SUPT3H: variants seen among roughly 807,000 people sequenced by gnomAD.
The protein encoded by SUPT3H is transcription initiation protein SPT3 homolog.
SUPT3H carries 44 observed loss-of-function variants against 44.3 expected under a neutral mutation model. The observed-to-expected ratio is 0.99, with a 90% confidence interval of 0.78 to 1.28. The LOEUF is 1.28. Among genes scored for constraint, SUPT3H ranks in the 50% most tolerant of loss-of-function variants. The pLI is 0.00. For synonymous variants in SUPT3H, 124 were observed against 125.6 expected (o/e 0.99, Z 0.09); for missense variants, 380 against 387.1 (o/e 0.98, Z 0.15).
chr6:44,907,928 T>C (rs1021866380), intron 10 of SUPT3H, among the ~76,000 whole-genome samples: 6 of 152,120 alleles, frequency 3.9e-5, no homozygotes, highest in African/African-American at 1.4e-4. Context: ...TTTCTGAAGA[T>C]AAGTTTTGAT....
chr6:45,159,483 T>C (rs1427123505), intron 2 of SUPT3H: 1 of 152,172 alleles, frequency 6.6e-6, no homozygotes, highest in East Asian at 1.9e-4. Context: ...TCCTTGGATC[T>C]AGAGCCATCA....
At position 45,026,651 on chromosome 6, in the gene SUPT3H, A is replaced by T. The variant is rs1382564764; in HGVS notation, c.187-6019T>A. Among the ~76,000 whole-genome samples, 3 of 152,188 alleles carry T rather than the reference A, an allele frequency of 2.0e-5. No homozygotes were observed. In the East Asian group the frequency reaches 5.8e-4, roughly 29 times the overall value. On this transcript the variant is annotated intron_variant, in intron 3 of 10. Transcript: ENST00000371459. ...TGTAATTCTGCTTCCAGTGGCAATC[A>T]CCTTTAACTTTTTAAGCTTGTTTCT...
At chr6:45,242,716 C>T (rs1487334924) in intron 2 of SUPT3H, among the ~76,000 whole-genome samples, 7 of 152,050 alleles carry the variant, frequency 4.6e-5, no homozygotes, top group Admixed American at 1.3e-4. Flanking sequence ...CAAAATTCAC[C>T]ATTCTTGAAG....
intron 1 of SUPT3H, among the ~76,000 whole-genome samples, chr6:45,369,701 C>T (rs1795727970): frequency 6.6e-6 from 1 of 152,098 alleles, no homozygotes; most frequent in Admixed American, 6.6e-5. Flanking sequence ...CTACTACAGG[C>T]CAAACACCGT....
chr6:44,937,530 A>G (rs1771658698), intron 9 of SUPT3H, among the ~76,000 whole-genome samples: 2 of 151,860 alleles, frequency 1.3e-5, no homozygotes, highest in African/African-American at 2.4e-5. Flanking sequence ...TAGAAGTTGT[A>G]CTAATTTACA....
chr6:44,882,147 TA>T (rs766556537), intron 10 of SUPT3H, among the ~76,000 whole-genome samples: 1 of 151,948 alleles, frequency 6.6e-6, no homozygotes, highest in Non-Finnish European at 1.5e-5. Flanking sequence ...GCAAGACTAA[TA>T]AAGAATAAAA....
At chr6:45,272,938 T>C (rs935887767) in intron 2 of SUPT3H, among the ~76,000 whole-genome samples, 3 of 152,232 alleles carry the variant, frequency 2.0e-5, no homozygotes, top group Non-Finnish European at 4.4e-5. Context: ...TTGGTAGCCA[T>C]GGTTTTTATT....
intron 2 of SUPT3H, among the ~76,000 whole-genome samples, chr6:45,188,321 G>C (rs1006057655): frequency 2.0e-5 from 3 of 152,178 alleles, no homozygotes; most frequent in Non-Finnish European, 4.4e-5. Flanking sequence ...TAGTAAGAAC[G>C]AATCTTCTAT....
At chr6:45,288,204 C>T (rs1424725457) in intron 2 of SUPT3H, among the ~76,000 whole-genome samples, 1 of 152,014 alleles carries the variant, frequency 6.6e-6, no homozygotes, top group Non-Finnish European at 1.5e-5. Context: ...CAAATCCATT[C>T]CACCTCAACC....
chr6:45,094,582 A>G (rs1797556458), intron 3 of SUPT3H, among the ~76,000 whole-genome samples: 1 of 152,134 alleles, frequency 6.6e-6, no homozygotes, highest in South Asian at 2.1e-4. Context: ...GCCTTTAGCA[A>G]ACTATCCATG....
intron 8 of SUPT3H, 64 bp from the exon 9 acceptor site, chr6:44,953,481 A>ATTC: frequency 4.5e-6 from 6 of 1,348,132 alleles, no homozygotes; most frequent in African/African-American, 1.4e-5. Flanking sequence ...CTGAAGTGGC[A>ATTC]AACCTAAAAG....
chr6:45,276,628 C>T (rs1777076064), intron 2 of SUPT3H, among the ~76,000 whole-genome samples: 1 of 152,186 alleles, frequency 6.6e-6, no homozygotes, highest in African/African-American at 2.4e-5. Flanking sequence ...AAAGTGATGG[C>T]ACACCAGCTA....
intron 2 of SUPT3H, among the ~76,000 whole-genome samples, chr6:45,254,073 T>G (rs1185546923): frequency 6.6e-6 from 1 of 151,888 alleles, no homozygotes; most frequent in Non-Finnish European, 1.5e-5. Context: ...ATATTTTATA[T>G]CTTTAAATGA....
At chr6:45,226,335 T>C (rs1312395495) in intron 2 of SUPT3H, among the ~76,000 whole-genome samples, 1 of 152,072 alleles carries the variant, frequency 6.6e-6, no homozygotes, top group East Asian at 1.9e-4. Context: ...GTGTGTATGT[T>C]TGAGTGTGTG....
intron 9 of SUPT3H, among the ~76,000 whole-genome samples, chr6:44,937,260 G>T (rs1370926456): frequency 2.6e-5 from 4 of 152,010 alleles, no homozygotes; most frequent in Admixed American, 2.6e-4. Flanking sequence ...GGGAGGCCGA[G>T]GCAGGTGGAT....
At chr6:44,983,840 C>T (rs1461947406) in intron 6 of SUPT3H, among the ~76,000 whole-genome samples, 1 of 152,132 alleles carries the variant, frequency 6.6e-6, no homozygotes, top group African/African-American at 2.4e-5. Flanking sequence ...TTCTCTCTGT[C>T]ATTCTGTGAA....
chr6:44,825,572 G>T (rs1392081617), downstream of SUPT3H, among the ~76,000 whole-genome samples: 1 of 152,210 alleles, frequency 6.6e-6, no homozygotes. Context: ...TCTCCTGCCT[G>T]TGGGCAACAG....
At chr6:45,158,292 A>AT (rs1562573016) in intron 2 of SUPT3H, among the ~76,000 whole-genome samples, 3 of 32,340 alleles carry the variant, frequency 9.3e-5, no homozygotes, top group Non-Finnish European at 2.1e-4. Context: ...ATATATATAT[A>AT]TATATATTTT....
At chr6:44,996,164 T>C (rs192700489) in intron 6 of SUPT3H, among the ~76,000 whole-genome samples, 364 of 152,004 alleles carry the variant, frequency 2.4e-3, no homozygotes, top group African/African-American at 8.1e-3. Context: ...TGAATTGATA[T>C]TTTAAAATAC....
Sources: gnomAD v4.1 joint callset for allele counts (sites outside exome capture counted in the v4.1 genomes callset) on GRCh38, gnomAD v4.1.1 for gene constraint, MANE v1.5 for transcripts, NCBI Gene and HGNC (gene_info 2026-07-23, HGNC 2026-07-21) for gene names.